The following ANXA6 variants were observed in gnomAD, a reference collection of about 807,000 sequenced individuals.
The protein encoded by ANXA6 is 67 kDa calelectrin.
Under a neutral mutation model 95.4 loss-of-function variants are expected in ANXA6, and 71 were observed. The observed-to-expected ratio is 0.74, with a 90% confidence interval of 0.61 to 0.91. ANXA6 has a LOEUF of 0.91. Among genes scored for constraint, ANXA6 ranks in the 40% least tolerant of loss-of-function variants. ANXA6 has a pLI of 0.00. For missense variants in ANXA6, 830 were observed against 876.4 expected, an observed-to-expected ratio of 0.95 and a Z score of 0.67; for synonymous variants, 289 against 315.9, an observed-to-expected ratio of 0.91 and a Z score of 0.90.
chr5:151,116,803 C>A (rs930492182), intron 20 of ANXA6, among the ~76,000 whole-genome samples: 1 of 152,194 alleles, frequency 6.6e-6, no homozygotes, highest in East Asian at 1.9e-4. Flanking sequence ...TCTACTGGGG[C>A]CACTGATTTG....
chr5:151,117,201 A>G (rs1250867510), intron 19 of ANXA6, 21 bp from the exon 20 acceptor site: 1 of 1,580,926 alleles, frequency 6.3e-7, no homozygotes, highest in Non-Finnish European at 8.6e-7. Context: ...AGCAGCAAGA[A>G]AGTTCAGTCC....
In ANXA6 at chr5:151,124,298, T is replaced by C. The variant is rs777247573; in HGVS notation, c.1126A>G (p.Met376Val). The part of the protein sequence containing the change: ...DADAKALRKA[M>V]KGLGTDEDTI... ...CCATCCCCCATACCGAGTCCCTTCA[T>C]GGCTTTCCGCAGCGCTTTGGCATCT... The change falls in exon 15 of 26, where the codon ATG (methionine) becomes GTG (valine). Residue 376 changes from methionine (M) to valine (V), a missense_variant. Transcript: ENST00000354546. The C allele has an allele frequency of 1.2e-6, 2 of 1,613,500 alleles. No individual in the cohort carries two copies. The highest frequency in any genetic ancestry group is 1.7e-6 in the Non-Finnish European group (2 of 1,179,794).
At chr5:151,138,254 T>C (rs896698391) in intron 5 of ANXA6, among the ~76,000 whole-genome samples, 2 of 152,182 alleles carry the variant, frequency 1.3e-5, no homozygotes, top group East Asian at 1.9e-4. Flanking sequence ...TCTCCTGCCA[T>C]TTTTACACCC....
At chr5:151,154,717 T>C (rs752074416) in intron 1 of ANXA6, among the ~76,000 whole-genome samples, 22 of 152,178 alleles carry the variant, frequency 1.4e-4, no homozygotes, top group Non-Finnish European at 2.8e-4. Flanking sequence ...CAGTGTCTTT[T>C]CCTCTCCTGA....
In ANXA6 at chr5:151,131,238, G is replaced by T. The variant is rs776401657; in HGVS notation, c.788C>A (p.Ala263Asp). 35 of 1,613,860 alleles carry T rather than the reference G, an allele frequency of 2.2e-5. No individual in the cohort carries two copies. Among genetic ancestry groups the T allele is most frequent in the Admixed American group, 3.3e-5 (2 of 60,002 alleles). The change falls in exon 11 of 26, where the codon GCT becomes GAT. Residue 263 changes from alanine to aspartate, a missense_variant. Ala to Asp is a moderately radical substitution (Grantham distance 126). Transcript: ENST00000354546. Reference sequence around the variant, plus strand: ...ATCAGCCCCACCACGCACCTTCATAGCCTTGAAGAGCCTTTCAGCAAAATA... The same window carrying T: ...ATCAGCCCCACCACGCACCTTCATATCCTTGAAGAGCCTTTCAGCAAAATA... ...PEYFAERLFK[A>D]MKGLGTRDNT...
intron 2 of ANXA6, among the ~76,000 whole-genome samples, chr5:151,143,651 G>A (rs1258210762): frequency 6.6e-6 from 1 of 152,078 alleles, no homozygotes; most frequent in Non-Finnish European, 1.5e-5. Flanking sequence ...GGCAGCATGG[G>A]ACCCAGGAAA....
chr5:151,102,810 C>G (rs1405668431), intron 25 of ANXA6, among the ~76,000 whole-genome samples: 1 of 152,050 alleles, frequency 6.6e-6, no homozygotes, highest in African/African-American at 2.4e-5. Flanking sequence ...CACAAAGTAG[C>G]TTGGTGGTTG....
At chr5:151,117,391 A>G (rs1765032136) in intron 19 of ANXA6, among the ~76,000 whole-genome samples, 1 of 152,178 alleles carries the variant, frequency 6.6e-6, no homozygotes, top group African/African-American at 2.4e-5. Context: ...GACACACAGC[A>G]AGCTCTCGGT....
At chr5:151,138,356 A>C (rs1193977447) in intron 5 of ANXA6, among the ~76,000 whole-genome samples, 1 of 152,078 alleles carries the variant, frequency 6.6e-6, no homozygotes. Context: ...CCTCTCAAAC[A>C]ACCCTTGGCC....
rs759212468 is a variant in ANXA6 at position 151,140,227 on chromosome 5, C to G, written c.35G>C (p.Gly12Ala). The G allele has an allele frequency of 1.2e-6, 2 of 1,613,748 alleles. No homozygotes were observed. Among genetic ancestry groups the G allele is most frequent in the African/African-American group, 2.7e-5 (2 of 74,898 alleles). ...AAAGCCTGGGAAGTCATGGATGGAG[C>G]CCCGGTACTTGGCACCCTGTGGAGA... ...AKPAQGAKYR[G>A]SIHDFPGFDP... The change falls in exon 3 of 26, where the codon GGC becomes GCC. Residue 12 changes from glycine (G) to alanine (A), a missense_variant. Transcript: ENST00000354546.
At chr5:151,108,400 G>T in intron 23 of ANXA6, 55 bp downstream of exon 23, 1 of 1,490,336 alleles carries the variant, frequency 6.7e-7, no homozygotes, top group Non-Finnish European at 9.4e-7. Context: ...TTCTTCCAGA[G>T]AATCTGTTCA....
intron 24 of ANXA6, 32 bp from the exon 25 acceptor site, chr5:151,103,724 C>A (rs551571415): frequency 2.5e-6 from 4 of 1,590,374 alleles, no homozygotes; most frequent in Non-Finnish European, 3.4e-6. Context: ...GAGACACAGG[C>A]GGAAGGAGAG....
At chr5:151,155,648 G>A (rs1018470910) in intron 1 of ANXA6, 13 of 152,206 alleles carry the variant, frequency 8.5e-5, no homozygotes, top group African/African-American at 2.9e-4. Flanking sequence ...GAAGTATATC[G>A]GAGAGGCTGG....
In ANXA6 at chr5:151,126,465, G is replaced by T; in HGVS notation, c.993C>A (p.Phe331Leu). ...SGGDDDAAGQ[F>L]FPEAAQVAYQ... ...AGGCCACCTGCGCTGCCTCCGGGAA[G>T]AACTGGCCAGCAGCACTGGAATGGA... The change falls in exon 14 of 26, where the codon TTC becomes TTA. Residue 331 changes from phenylalanine (F) to leucine (L), a missense_variant. Transcript: ENST00000354546. The T allele has an allele frequency of 6.2e-7, 1 of 1,610,038 alleles. No individual in the cohort carries two copies.
At chr5:151,126,552 A>G in intron 13 of ANXA6, 72 bp from the exon 14 acceptor site, 1 of 486,360 alleles carries the variant, frequency 2.1e-6, no homozygotes, top group Non-Finnish European at 3.4e-6. Context: ...CAACACACAC[A>G]CACACACACA....
chr5:151,155,403 C>T (rs1766210292), intron 1 of ANXA6: 1 of 152,102 alleles, frequency 6.6e-6, no homozygotes, highest in Non-Finnish European at 1.5e-5. Context: ...ATCTCATTCT[C>T]ATTTTGCAGA....
chr5:151,117,372 C>T (rs1765031074), intron 19 of ANXA6, among the ~76,000 whole-genome samples, 192 bp from the exon 20 acceptor site: 1 of 152,214 alleles, frequency 6.6e-6, no homozygotes, highest in African/African-American at 2.4e-5. Context: ...ACACTTAGCA[C>T]CAATGCCTGA....
At chr5:151,144,143 C>A (rs1765915495) in intron 2 of ANXA6, among the ~76,000 whole-genome samples, 1 of 152,196 alleles carries the variant, frequency 6.6e-6, no homozygotes, top group Admixed American at 6.5e-5. Context: ...GGCCTGGGCA[C>A]AACACCTAAG....
chr5:151,119,355 G>A lies in ANXA6; in HGVS notation c.1383C>T (p.Ile461=). ...TTTCAGCATTGGTCCGAGTGGCCAG[G>A]ATTTCAATAAGAGCCTTTTCATCTG... ...AGTDEKALIE[I]LATRTNAEIR... The change falls in exon 18 of 26, where the codon ATC becomes ATT. Residue 461 remains isoleucine (I), a synonymous_variant. Transcript: ENST00000354546. The A allele has an allele frequency of 6.2e-7, 1 of 1,613,818 alleles. No individual in the cohort carries two copies. Among genetic ancestry groups the A allele is most frequent in the Non-Finnish European group, 8.5e-7 (1 of 1,179,886 alleles).
Sources: allele counts gnomAD v4.1 joint callset (sites outside exome capture counted in the v4.1 genomes callset), GRCh38; gene constraint gnomAD v4.1.1; transcripts MANE v1.5; gene names NCBI Gene and HGNC (gene_info 2026-07-23, HGNC 2026-07-21).